SF3A3: variants seen among roughly 807,000 people sequenced by gnomAD.
SF3A3 encodes the protein SAP 61.
In SF3A3, 9 loss-of-function variants were observed where a neutral mutation model predicts 85.8. The observed-to-expected ratio is 0.10, with a 90% confidence interval of 0.06 to 0.18. SF3A3 has a LOEUF of 0.18. Ranked by LOEUF, SF3A3 falls within the 10% of genes least tolerant of loss-of-function variation. SF3A3 has a pLI of 1.00. For missense variants in SF3A3, 306 were observed against 593.3 expected (o/e 0.52, Z 5.03); for synonymous variants, 195 against 204.4 (o/e 0.95, Z 0.39).
intron 12 of SF3A3, 101 bp from the exon 13 acceptor site, chr1:37,969,836 G>C: frequency 7.8e-7 from 1 of 1,278,466 alleles, no homozygotes; most frequent in Non-Finnish European, 1.1e-6. Context: ...TTACTTCCAA[G>C]GATAAGGTTC....
chr1:37,981,985 G>A (rs948978025), intron 6 of SF3A3, among the ~76,000 whole-genome samples, 174 bp from the exon 7 acceptor site: 15 of 151,710 alleles, frequency 9.9e-5, no homozygotes, highest in Non-Finnish European at 2.2e-4. Flanking sequence ...TACAACTGGA[G>A]TGTTAATTTC....
chr1:37,967,945 A>G (rs900847361), intron 15 of SF3A3, 99 bp downstream of exon 15: 1 of 732,644 alleles, frequency 1.4e-6, no homozygotes, highest in Non-Finnish European at 2.5e-6. Flanking sequence ...TCCACAACCT[A>G]CTGCCTTTAA....
Position 37,980,571 on chromosome 1 carries a change from C to T in SF3A3, c.690+15G>A. Reference sequence around the variant, plus strand: ...TCCCTGGCATGTCCACCATTCACATCCCACTGAAGCTCACCGGCCATCCAG... The same window carrying T: ...TCCCTGGCATGTCCACCATTCACATTCCACTGAAGCTCACCGGCCATCCAG... On this transcript the variant is annotated intron_variant, in intron 8 of 16. Coordinates refer to ENST00000373019, the MANE Select transcript of SF3A3 (RefSeq NM_006802.4). 1 of 1,612,310 alleles carries T rather than the reference C, an allele frequency of 6.2e-7. No homozygotes were observed. The highest frequency in any genetic ancestry group is 8.5e-7 in the Non-Finnish European group (1 of 1,179,016).
intron 4 of SF3A3, among the ~76,000 whole-genome samples, chr1:37,985,412 GT>G (rs11363172): frequency 0.4 from 61,054 of 150,856 alleles, 12,660 homozygotes; most frequent in Non-Finnish European, 0.46. Flanking sequence ...ACCTGGGGGA[GT>G]TTTTTTTTTA....
intron 6 of SF3A3, among the ~76,000 whole-genome samples, chr1:37,983,679 T>C (rs1375175033): frequency 6.6e-6 from 1 of 150,704 alleles, no homozygotes; most frequent in East Asian, 2.0e-4. Context: ...CTCATGCCTG[T>C]ATCCCAACAC....
In SF3A3 at chr1:37,987,615, T is replaced by A; in HGVS notation, c.261A>T (p.Arg87Ser). 6.2e-7 allele frequency: 1 copy of A among 1,614,072 alleles called. No homozygotes were observed. Among genetic ancestry groups the A allele is most frequent in the Non-Finnish European group, 8.5e-7 (1 of 1,179,996 alleles). ...GPNEFAEFYN[R>S]LKQIKEFHRK... ...GGTGGAATTCCTTTATTTGCTTGAG[T>A]CTATTATAGAATTCAGCAAACTCAT... is the stretch of plus-strand genomic sequence containing the variant. The change falls in exon 4 of 17, where the codon AGA (arginine) becomes AGT (serine). Residue 87 changes from arginine (R) to serine (S), a missense_variant. This residue lies in a region of SF3A3 where 152 missense variants were observed against 192.0 expected (regional missense o/e 0.79). Coordinates refer to ENST00000373019, the MANE Select transcript of SF3A3 (RefSeq NM_006802.4).
At chr1:37,984,119 C>T (rs1022450535) in intron 6 of SF3A3, 50 bp downstream of exon 6, 1 of 992,526 alleles carries the variant, frequency 1.0e-6, no homozygotes, top group Non-Finnish European at 1.6e-6. Context: ...AGCCTACTGT[C>T]CTGACTCACT....
chr1:37,965,542 A>G (rs1646293426), intron 15 of SF3A3, among the ~76,000 whole-genome samples: 1 of 151,460 alleles, frequency 6.6e-6, no homozygotes, highest in Non-Finnish European at 1.5e-5. Context: ...TTGCTTGAGT[A>G]CAGGACTTTA....
rs1446630529 is a variant in SF3A3 at position 37,958,187 on chromosome 1, T to C, written c.1505A>G (p.Ter502TrpextTer5). The change falls in exon 17 of 17, where the codon TAG becomes TGG. Residue 502 changes from the stop codon to tryptophan, a stop_lost. Coordinates refer to ENST00000373019, the MANE Select transcript of SF3A3 (RefSeq NM_006802.4). ...YEDLKRQGLL[*>W] is the part of the protein sequence containing the mutation. Reference sequence around the variant, plus strand: ...AAAGCTGAGCTACATCCCTGAACACTAGAGCAGTCCTTGTCTTTTCAGATC... The same window carrying C: ...AAAGCTGAGCTACATCCCTGAACACCAGAGCAGTCCTTGTCTTTTCAGATC... The C allele has an allele frequency of 1.9e-6, 3 of 1,598,862 alleles. No homozygotes were observed. Among genetic ancestry groups the C allele is most frequent in the African/African-American group, 1.3e-5 (1 of 74,602 alleles).
intron 1 of SF3A3, 131 bp from the exon 2 acceptor site, chr1:37,989,726 G>A (rs1354486215): frequency 3.2e-6 from 4 of 1,250,262 alleles, no homozygotes; most frequent in Non-Finnish European, 4.5e-6. Flanking sequence ...TCCGGACCCC[G>A]GGAGGAGGTT....
chr1:37,977,783 G>A (rs981331393), intron 11 of SF3A3, among the ~76,000 whole-genome samples: 11 of 152,190 alleles, frequency 7.2e-5, no homozygotes, highest in Middle Eastern at 3.4e-3. Context: ...AGGTTGCAGC[G>A]AGCCGAGATT....
chr1:37,958,116 G>T lies in SF3A3; in HGVS notation c.*70C>A. 3.0e-6 allele frequency: 3 copies of T among 1,002,284 alleles called. No homozygotes were observed. The highest frequency in any genetic ancestry group is 1.3e-5 in the South Asian group (1 of 78,508). The allele number at this position is 1,002,284 out of a possible 1,614,324, so 62.1% of individuals were successfully genotyped here. A position where few individuals can be genotyped will look rare whatever the true frequency, so the allele number is the denominator to read the frequency against. ...AAAGGGTCTTTAAGAGGATTTGGTTGGGAGAAATAGAAAAAGCAGATCTTA... is the reference window on the plus strand; with the variant it reads ...AAAGGGTCTTTAAGAGGATTTGGTTTGGAGAAATAGAAAAAGCAGATCTTA... On this transcript the variant is annotated 3_prime_UTR_variant, in exon 17 of 17. Coordinates refer to ENST00000373019, the MANE Select transcript of SF3A3 (RefSeq NM_006802.4).
At chr1:37,978,669 T>A (rs765275440) in intron 11 of SF3A3, 51 bp downstream of exon 11, 30 of 1,201,562 alleles carry the variant, frequency 2.5e-5, no homozygotes, top group Non-Finnish European at 3.0e-5. Context: ...AAATTCTGCA[T>A]GGGAATAACA....
At position 37,981,808 on chromosome 1, in the gene SF3A3, G is replaced by A. The variant is rs754337143; in HGVS notation, c.472C>T (p.Leu158=). 2 of 1,560,732 alleles carry A rather than the reference G, an allele frequency of 1.3e-6. No individual in the cohort carries two copies. The highest frequency in any genetic ancestry group is 1.7e-6 in the Non-Finnish European group (2 of 1,143,056). The change falls in exon 7 of 17, where the codon CTG becomes TTG. Residue 158 remains leucine (L), a synonymous_variant. Coordinates refer to ENST00000373019, the MANE Select transcript of SF3A3 (RefSeq NM_006802.4). ...ATGGACAGGTATGTGATATAATCCA[G>A]CTTCTGAAAAGAGGAAAGAAATGAC... The part of the protein sequence containing the change: ...KYINLKASEK[L]DYITYLSIFD...
intron 15 of SF3A3, among the ~76,000 whole-genome samples, chr1:37,963,121 C>T (rs1337077384): frequency 6.6e-6 from 1 of 151,394 alleles, no homozygotes; most frequent in Non-Finnish European, 1.5e-5. Flanking sequence ...ACTTAAATGA[C>T]AGTTCAGAAT....
In SF3A3 at chr1:37,976,957, A is replaced by G. The variant is rs1214879598; in HGVS notation, c.936-4T>C. The G allele has an allele frequency of 6.2e-7, 1 of 1,604,358 alleles. No individual in the cohort carries two copies. The highest frequency in any genetic ancestry group is 1.7e-4 in the Middle Eastern group (1 of 6,042). On this transcript the variant is annotated splice_region_variant and splice_polypyrimidine_tract_variant and intron_variant, in intron 11 of 16. Coordinates refer to ENST00000373019, the MANE Select transcript of SF3A3 (RefSeq NM_006802.4). ...GTCTTTGTTCCTTTCAGTGTCTCTG[A>G]GAAAAAGAAACAAGCTGTTTCACTC...
At chr1:37,970,062 T>C (rs537249560) in intron 12 of SF3A3, among the ~76,000 whole-genome samples, 1 of 152,222 alleles carries the variant, frequency 6.6e-6, no homozygotes, top group South Asian at 2.1e-4. Context: ...CCCATCACTT[T>C]TGGAGGCTGG....
In SF3A3 at chr1:37,957,691, G is replaced by A. The variant is rs189109094; in HGVS notation, c.*495C>T. 6.5e-6 allele frequency: 1 copy of A among 153,762 alleles called. No individual in the cohort carries two copies. The highest frequency in any genetic ancestry group is 1.9e-4 in the East Asian group (1 of 5,210). 9.5% of individuals were successfully genotyped at this position (153,762 alleles called of 1,614,324 possible). A position where few individuals can be genotyped will look rare whatever the true frequency, so the allele number is the denominator to read the frequency against. On this transcript the variant is annotated 3_prime_UTR_variant, in exon 17 of 17. Coordinates refer to ENST00000373019, the MANE Select transcript of SF3A3 (RefSeq NM_006802.4). ...ACCTTGGTGCGACACTTAGTCCTTA[G>A]TAGCAACCCTGGCTCATCCTCCTAG...
rs753158023 is a variant in SF3A3, at chr1:37,981,679, A to G, written c.551+50T>C. 5 of 1,173,172 alleles carry G rather than the reference A, an allele frequency of 4.3e-6. No homozygotes were observed. The South Asian group carries it at 6.3e-5, about 15-fold the overall frequency. 72.7% of individuals were successfully genotyped at this position (1,173,172 alleles called of 1,614,324 possible). On this transcript the variant is annotated intron_variant, in intron 7 of 16. Coordinates refer to ENST00000373019, the MANE Select transcript of SF3A3 (RefSeq NM_006802.4). ...AGAACTTCACCCTCAAAAACTTCACATTATCTTCTAATCAAATCCAGGAGA... is the reference window on the plus strand; with the variant it reads ...AGAACTTCACCCTCAAAAACTTCACGTTATCTTCTAATCAAATCCAGGAGA...
Sources: gnomAD v4.1 joint callset for allele counts (sites outside exome capture counted in the v4.1 genomes callset) on GRCh38, gnomAD v4.1.1 for gene constraint, gnomAD v4.1.1 regional missense constraint, MANE v1.5 for transcripts, NCBI Gene and HGNC (gene_info 2026-07-23, HGNC 2026-07-21) for gene names.